The following SDK2 variants were observed in gnomAD, a reference collection of about 807,000 sequenced individuals.
The protein encoded by SDK2 is protein sidekick-2.
SDK2 carries 105 observed loss-of-function variants against 253.9 expected under a neutral mutation model. The ratio of observed to expected loss-of-function variants is 0.41; its 90% confidence interval spans 0.35 to 0.49. The LOEUF (loss-of-function observed/expected upper bound fraction) is 0.49, where lower values mean the gene tolerates loss of function less well. Among genes scored for constraint, SDK2 ranks in the 20% least tolerant of loss-of-function variants. The pLI is 0.06. For missense variants in SDK2, 2,608 were observed against 3,003.0 expected, an observed-to-expected ratio of 0.87 and a Z score of 3.07; for synonymous variants, 1,249 against 1,234.9, an observed-to-expected ratio of 1.01 and a Z score of -0.24.
rs1391833234 is a variant in SDK2, at chr17:73,455,858, C to T, written c.479+48G>A. 6.7e-7 allele frequency: 1 copy of T among 1,501,208 alleles called. No individual in the cohort carries two copies. Among genetic ancestry groups the T allele is most frequent in the Non-Finnish European group, 8.9e-7 (1 of 1,125,038 alleles). 93.0% of individuals were successfully genotyped at this position (1,501,208 alleles called of 1,614,324 possible). A position where few individuals can be genotyped will look rare whatever the true frequency, so the allele number is the denominator to read the frequency against. ...GACTTTATCTGGCCCCAAACCTCCT[C>T]CCCCAGACACCCCTCCCCTCCCCGT... On this transcript the variant is annotated intron_variant, in intron 4 of 44. Coordinates refer to ENST00000392650, the MANE Select transcript of SDK2 (RefSeq NM_001144952.2). This position sits in a 1 kb window ranked among gnomAD's most constrained non-coding sequence, Gnocchi z 5.0.
intron 1 of SDK2, among the ~76,000 whole-genome samples, chr17:73,515,828 A>G (rs2145776591): frequency 6.6e-6 from 1 of 152,158 alleles, no homozygotes. Flanking sequence ...ATGCAAATTC[A>G]CCTCCTGGGC....
chr17:73,496,935 C>T lies in SDK2; in HGVS notation c.224+10503G>A, dbSNP rs997966584. On this transcript the variant is annotated intron_variant, in intron 2 of 44. Coordinates refer to ENST00000392650, the MANE Select transcript of SDK2 (RefSeq NM_001144952.2). The surrounding 1 kb of genome is among the most constrained non-coding windows in gnomAD (Gnocchi z 4.7). ...GTTTTGAGATGGGGTCTCGCTTTGT[C>T]GCCTAGGTAGGAATGCAGTGGTGTG... 1.6e-4 allele frequency among the ~76,000 whole-genome samples: 25 copies of T among 152,172 alleles called. No homozygotes were observed. The highest frequency in any genetic ancestry group is 2.1e-4 in the South Asian group (1 of 4,818).
chr17:73,589,421 GAA>G (rs1220696260), intron 1 of SDK2, among the ~76,000 whole-genome samples: 1 of 152,236 alleles, frequency 6.6e-6, no homozygotes, highest in Non-Finnish European at 1.5e-5. Context: ...GCAGAGCTGG[GAA>G]AAGAGGCCGG....
At chr17:73,391,322 G>T in intron 28 of SDK2, 118 bp downstream of exon 28, 1 of 445,194 alleles carries the variant, frequency 2.2e-6, no homozygotes, top group Non-Finnish European at 3.9e-6. Context: ...CATTCTAGAG[G>T]GGATGTGGAG....
intron 1 of SDK2, among the ~76,000 whole-genome samples, chr17:73,514,561 T>C (rs1446927298): frequency 1.3e-5 from 2 of 152,224 alleles, no homozygotes; most frequent in East Asian, 3.9e-4. Context: ...AATGGGTCGG[T>C]GGGTGGAGGA....
intron 8 of SDK2, among the ~76,000 whole-genome samples, chr17:73,436,251 C>T (rs998606821): frequency 2.6e-4 from 39 of 151,858 alleles, no homozygotes; most frequent in Admixed American, 6.6e-4. Context: ...CTCCTCTCCT[C>T]GCTCTCAGCC....
intron 2 of SDK2, among the ~76,000 whole-genome samples, chr17:73,503,654 T>C (rs562700453): frequency 6.6e-6 from 1 of 152,284 alleles, no homozygotes; most frequent in South Asian, 2.1e-4. Flanking sequence ...ACCACTCTTT[T>C]CCCTTCTTAT....
rs537136614 is a variant in SDK2, at chr17:73,579,026, C to T, written c.64+64999G>A. Among the ~76,000 whole-genome samples, 4 of 152,242 alleles carry T rather than the reference C, an allele frequency of 2.6e-5. No homozygotes were observed. The East Asian group carries it at 5.8e-4, about 22-fold the overall frequency. On this transcript the variant is annotated intron_variant, in intron 1 of 44. Transcript: ENST00000392650. Reference sequence around the variant, plus strand: ...CACCCCTTGTCGGCCGGGTCAGGGACCCAGGAGCCATCCCCACCCCTCCCT... The same window carrying T: ...CACCCCTTGTCGGCCGGGTCAGGGATCCAGGAGCCATCCCCACCCCTCCCT...
rs1458924964 is a variant in SDK2, at chr17:73,386,534, G to A, written c.4409C>T (p.Thr1470Met). The A allele has an allele frequency of 8.4e-6, 13 of 1,556,208 alleles. No homozygotes were observed. Among genetic ancestry groups the A allele is most frequent in the African/African-American group, 1.4e-5 (1 of 73,366 alleles). Residue 1470 changes from threonine (T) to methionine (M), a missense_variant, in exon 31 of 45, where the codon ACG becomes ATG. Physicochemically the swap from Thr to Met is moderately conservative, Grantham distance 81 (BLOSUM62 -1). Around this residue, in one of 2 missense-constraint regions of SDK2, gnomAD observed 1,103 missense variants for 1,143.9 expected, o/e 0.96. Transcript: ENST00000392650. Reference protein sequence around the residue: ...SFIVDRLKPFTSYKFRVKATN... With the variant: ...SFIVDRLKPFMSYKFRVKATN... ...CGCCTTCACTCGGAACTTGTAGGAC[G>A]TGAAGGGCTTCAGCCTGTAGGGAGA... is the stretch of plus-strand genomic sequence containing the variant.
chr17:73,544,180 G>T (rs745390253), intron 1 of SDK2, among the ~76,000 whole-genome samples: 7 of 152,168 alleles, frequency 4.6e-5, no homozygotes, highest in African/African-American at 1.7e-4. Context: ...GCCTTCGAGG[G>T]ACTCACTTAA....
intron 5 of SDK2, among the ~76,000 whole-genome samples, chr17:73,446,046 G>A (rs1013845081): frequency 2.0e-5 from 3 of 152,136 alleles, no homozygotes; most frequent in Non-Finnish European, 4.4e-5. Context: ...GGAGGAGCTG[G>A]ATGCCGGAGA....
At position 73,401,224 on chromosome 17, in the gene SDK2, G is replaced by T; in HGVS notation, c.2780-13C>A. 1 of 1,536,732 alleles carries T rather than the reference G, an allele frequency of 6.5e-7. No homozygotes were observed. The highest frequency in any genetic ancestry group is 8.8e-7 in the Non-Finnish European group (1 of 1,137,290). On this transcript the variant is annotated splice_polypyrimidine_tract_variant and intron_variant, in intron 20 of 44. Transcript: ENST00000392650. ...GAGATCCGGTACCCTGGGGAGAGCC[G>T]CCGTGTTGGCATGAGCTTGGCTGTG...
chr17:73,488,489 T>C (rs1399550161), intron 2 of SDK2, among the ~76,000 whole-genome samples: 1 of 152,076 alleles, frequency 6.6e-6, no homozygotes, highest in Admixed American at 6.5e-5. Flanking sequence ...ATACAGAAAA[T>C]TGCACCCAGC....
At chr17:73,625,665 G>A (rs191783038) in intron 1 of SDK2, among the ~76,000 whole-genome samples, 1 of 151,592 alleles carries the variant, frequency 6.6e-6, no homozygotes, top group African/African-American at 2.4e-5. Context: ...CTTTTTTTGA[G>A]AGAGAGTCTC....
intron 1 of SDK2, among the ~76,000 whole-genome samples, chr17:73,545,190 C>G (rs886425558): frequency 6.6e-6 from 1 of 151,280 alleles, no homozygotes; most frequent in Non-Finnish European, 1.5e-5. Flanking sequence ...TGTTGGGGTT[C>G]CCCTCCCCTG....
At chr17:73,340,294 C>G (rs943841840) in intron 44 of SDK2, among the ~76,000 whole-genome samples, 1 of 152,230 alleles carries the variant, frequency 6.6e-6, no homozygotes, top group Non-Finnish European at 1.5e-5. Flanking sequence ...AGCCCTGAAT[C>G]ATTTCCATCA....
chr17:73,564,834 C>A (rs66773103), intron 1 of SDK2, among the ~76,000 whole-genome samples: 6,613 of 101,246 alleles, frequency 0.065, 501 homozygotes, highest in African/African-American at 0.24. Context: ...GAAAAAAAAA[C>A]AAAAAACAAA....
At position 73,455,099 on chromosome 17, in the gene SDK2, C is replaced by T. The variant is rs1313081012; in HGVS notation, c.479+807G>A. Among the ~76,000 whole-genome samples, 3 of 152,176 alleles carry T rather than the reference C, an allele frequency of 2.0e-5. No individual in the cohort carries two copies. Among genetic ancestry groups the T allele is most frequent in the Non-Finnish European group, 4.4e-5 (3 of 68,032 alleles). The stretch of plus-strand genomic sequence containing the variant: ...AAAGGCAGGAACCATCCATCTACGC[C>T]TCCACTCTCTACAGAGACCAGGACA... On this transcript the variant is annotated intron_variant, in intron 4 of 44. Coordinates refer to ENST00000392650, the MANE Select transcript of SDK2 (RefSeq NM_001144952.2). The surrounding 1 kb of genome is among the most constrained non-coding windows in gnomAD (Gnocchi z 5.0).
Position 73,437,820 on chromosome 17 carries a change from G to T in SDK2, c.919C>A (p.Pro307Thr), listed in dbSNP as rs1175876466. The T allele has an allele frequency of 2.5e-6, 4 of 1,613,820 alleles. No individual in the cohort carries two copies. The highest frequency in any genetic ancestry group is 3.4e-6 in the Non-Finnish European group (4 of 1,179,852). The change falls in exon 8 of 45, where the codon CCG becomes ACG. Residue 307 changes from proline to threonine, a missense_variant and splice_region_variant. This residue lies in a region of SDK2 where 1,505 missense variants were observed against 1,859.1 expected (regional missense o/e 0.81). Transcript: ENST00000392650. ...TCTGGCTCCTTGACAAACTGAGGCG[G>T]TTCTGCAGGAGGAAGGACCAGGGGA... ...VRGAYLSVLE[P>T]PQFVKEPERH...
Sources: allele counts gnomAD v4.1 joint callset (sites outside exome capture counted in the v4.1 genomes callset), GRCh38; gene constraint gnomAD v4.1.1; regional missense constraint gnomAD v4.1.1; non-coding constraint Gnocchi (gnomAD v3.1); transcripts MANE v1.5; gene names NCBI Gene and HGNC (gene_info 2026-07-23, HGNC 2026-07-21).